Variants in DMD observed in about 807,000 individuals in gnomAD.
DMD encodes the protein mutant dystrophin.
In DMD, 63 loss-of-function variants were observed where a neutral mutation model predicts 330.1. The ratio of observed to expected loss-of-function variants is 0.19; its 90% CI spans 0.16 to 0.24. DMD has a LOEUF of 0.24. Ranked by LOEUF, DMD falls within the 10% of genes least tolerant of loss-of-function variation. The pLI is 1.00. For synonymous variants in DMD, 1,223 were observed against 959.8 expected (o/e 1.27, Z -5.07); for missense variants, 3,344 against 2,684.1 (o/e 1.25, Z -5.43).
At chrX:32,919,378 G>C (rs1484194403) in intron 2 of DMD, among the ~76,000 whole-genome samples, 2 of 112,041 alleles carry the variant, frequency 1.8e-5, no homozygotes, top group Admixed American at 1.9e-4. Context: ...TCCCTAGGAA[G>C]TATTACTTTT....
Position 32,248,596 on chromosome X carries a change from C to CAA in DMD, c.6291-31535_6291-31534dup, listed in dbSNP as rs60426992. 8.7e-4 allele frequency among the ~76,000 whole-genome samples: 86 copies of CAA among 98,969 alleles called. 1 individual carries two copies. The highest frequency in any genetic ancestry group is 2.3e-3 in the African/African-American group (65 of 27,764). 85.9% of individuals were successfully genotyped at this position (98,969 alleles called of 115,157 possible). On this transcript the variant is annotated intron_variant, in intron 43 of 78. Coordinates refer to ENST00000357033, the MANE Select transcript of DMD (RefSeq NM_004006.3). The stretch of plus-strand genomic sequence containing the variant: ...TAGGATACTAATTATGGCACTATTC[C>CAA]AAAAAAAAAAACAAAGAAACAAAGT...
intron 41 of DMD, among the ~76,000 whole-genome samples, chrX:32,316,002 C>G (rs10126645): frequency 0.022 from 2,471 of 111,136 alleles, 69 homozygotes; most frequent in African/African-American, 0.076. Context: ...AATGAAGAAG[C>G]TCTTATTAAC....
At chrX:31,800,373 C>T (rs1480552533) in intron 50 of DMD, among the ~76,000 whole-genome samples, 2 of 112,659 alleles carry the variant, frequency 1.8e-5, no homozygotes, top group Admixed American at 9.3e-5. Context: ...GCCACTAAGG[C>T]CTGCACCCTC....
At chrX:32,848,914 T>G (rs1052887872) in intron 3 of DMD, among the ~76,000 whole-genome samples, 3 of 110,381 alleles carry the variant, frequency 2.7e-5, no homozygotes, top group Non-Finnish European at 3.8e-5. Flanking sequence ...GGAGGCAGGC[T>G]GGGGTAGATA....
chrX:33,188,913 G>A (rs1298762738), intron 1 of DMD, among the ~76,000 whole-genome samples: 1 of 111,547 alleles, frequency 9.0e-6, no homozygotes, highest in East Asian at 2.8e-4. Flanking sequence ...GGAGAGGGCA[G>A]CCTCTGCAAA....
intron 9 of DMD, among the ~76,000 whole-genome samples, chrX:32,681,516 CTG>C (rs2147328219): frequency 8.9e-6 from 1 of 111,779 alleles, no homozygotes; most frequent in South Asian, 3.8e-4. Flanking sequence ...TGACGTAAAA[CTG>C]TGCTGCAGCA....
chrX:32,386,025 T>C (rs1428880466), intron 33 of DMD, among the ~76,000 whole-genome samples: 1 of 110,052 alleles, frequency 9.1e-6, no homozygotes, highest in African/African-American at 3.3e-5. Flanking sequence ...AAAACCTCCC[T>C]GAGCGTTACG....
chrX:33,071,933 A>G (rs761388111), intron 1 of DMD, among the ~76,000 whole-genome samples: 1 of 112,383 alleles, frequency 8.9e-6, no homozygotes, highest in Admixed American at 9.5e-5. Context: ...ATTAAGTTAT[A>G]TATCTTTCAA....
chrX:32,711,769 T>A (rs1457328834), intron 7 of DMD, among the ~76,000 whole-genome samples: 1 of 111,801 alleles, frequency 8.9e-6, no homozygotes, highest in Non-Finnish European at 1.9e-5. Context: ...CATGCATCTA[T>A]CCATTCAGCC....
In DMD at chrX:31,543,809, A is replaced by G. The variant is rs148448772; in HGVS notation, c.8218-36356T>C. On this transcript the variant is annotated intron_variant, in intron 55 of 78. Coordinates refer to ENST00000357033, the MANE Select transcript of DMD (RefSeq NM_004006.3). ...CTCAAGTGTTATCTTGAGTGCAAATATAAACAGTGAACCGATAAGTATGTT... is the reference window on the plus strand; with the variant it reads ...CTCAAGTGTTATCTTGAGTGCAAATGTAAACAGTGAACCGATAAGTATGTT... 2.9e-3 allele frequency among the ~76,000 whole-genome samples: 318 copies of G among 111,527 alleles called. 1 individual carries two copies. Among genetic ancestry groups the G allele is most frequent in the African/African-American group, 9.7e-3 (298 of 30,700 alleles).
intron 1 of DMD, chrX:33,041,286 C>A: frequency 1.3e-6 from 1 of 781,315 alleles, no homozygotes. Context: ...GGCCGCGCAG[C>A]CTGCGCATGC....
intron 52 of DMD, among the ~76,000 whole-genome samples, chrX:31,721,479 A>C (rs2085470156): frequency 9.2e-6 from 1 of 109,124 alleles, no homozygotes; most frequent in South Asian, 4.0e-4. Flanking sequence ...TTTGGACTCA[A>C]GATTGCAACA....
chrX:31,782,513 G>A (rs1384927305), intron 50 of DMD, among the ~76,000 whole-genome samples: 3 of 110,150 alleles, frequency 2.7e-5, no homozygotes, highest in African/African-American at 9.9e-5. Context: ...CTGACCACGA[G>A]TGCATGAATG....
intron 1 of DMD, among the ~76,000 whole-genome samples, chrX:33,034,764 C>A (rs775764279): frequency 5.4e-5 from 6 of 111,983 alleles, no homozygotes; most frequent in Non-Finnish European, 1.1e-4. Context: ...TCCAGTTTTG[C>A]CGCTTACTGG....
chrX:32,603,418 C>T (rs910666587), intron 12 of DMD, among the ~76,000 whole-genome samples: 2 of 111,158 alleles, frequency 1.8e-5, no homozygotes, highest in South Asian at 3.7e-4. Context: ...ATAGAAAGAT[C>T]TAAAATTAGC....
rs767993498 is a variant in DMD at position 32,312,942 on chromosome X, C to CAAAAAAAAAAAAAAAAAAAAAAAAAAAA, written c.5923-2667_5923-2666insTTTTTTTTTTTTTTTTTTTTTTTTTTTT. 1.1e-3 allele frequency among the ~76,000 whole-genome samples: 22 copies of CAAAAAAAAAAAAAAAAAAAAAAAAAAAA among 20,400 alleles called. 3 individuals are homozygous for CAAAAAAAAAAAAAAAAAAAAAAAAAAAA. The highest frequency in any genetic ancestry group is 3.1e-3 in the East Asian group (1 of 325). 17.7% of individuals were successfully genotyped at this position (20,400 alleles called of 115,157 possible). ...ATTGAGGCAGTAATAGCCTACGAACCAAAAAAAAAAAAAAAAAAAAAAGCC... is the reference window on the plus strand; with the variant it reads ...ATTGAGGCAGTAATAGCCTACGAACCAAAAAAAAAAAAAAAAAAAAAAAAAAAAAAAAAAAAAAAAAAAAAAAAAAGCC... On this transcript the variant is annotated intron_variant, in intron 41 of 78. Transcript: ENST00000357033.
chrX:32,486,416 T>G (rs1049410232), intron 20 of DMD, among the ~76,000 whole-genome samples: 7 of 111,856 alleles, frequency 6.3e-5, no homozygotes, highest in Non-Finnish European at 1.3e-4. Context: ...TAGACCATTT[T>G]AAATTACATA....
At chrX:31,142,400 A>C (rs1328842686) in intron 76 of DMD, among the ~76,000 whole-genome samples, 1 of 112,211 alleles carries the variant, frequency 8.9e-6, no homozygotes, top group Non-Finnish European at 1.9e-5. Context: ...AGTATATAAA[A>C]ATATGTTAAC....
At chrX:32,608,632 C>T (rs1239775356) in intron 12 of DMD, among the ~76,000 whole-genome samples, 1 of 109,800 alleles carries the variant, frequency 9.1e-6, no homozygotes, top group Non-Finnish European at 1.9e-5. Flanking sequence ...ACTTTCATGC[C>T]CTTGTCAGAA....
Sources: gnomAD v4.1 joint callset for allele counts (sites outside exome capture counted in the v4.1 genomes callset) on GRCh38, gnomAD v4.1.1 for gene constraint, MANE v1.5 for transcripts, NCBI Gene and HGNC (gene_info 2026-07-23, HGNC 2026-07-21) for gene names.